Variants in KAZN observed in about 807,000 individuals in gnomAD.
KAZN encodes the protein kazrin, periplakin interacting protein, also known as kazrin.
Under a neutral mutation model 87.4 loss-of-function variants are expected in KAZN, and 40 were observed. The observed-to-expected ratio is 0.46, with a 90% CI of 0.36 to 0.60. The LOEUF is 0.60. Among genes scored for constraint, KAZN ranks in the 20% least tolerant of loss-of-function variants. The pLI, the probability that KAZN is intolerant of heterozygous loss-of-function variation, is 0.00. For synonymous variants in KAZN, 466 were observed against 458.3 expected, an observed-to-expected ratio of 1.02 and a Z score of -0.22; for missense variants, 898 against 1,073.9, an observed-to-expected ratio of 0.84 and a Z score of 2.29.
chr1:14,505,442 CA>C (rs1290212634), intron 2 of KAZN, among the ~76,000 whole-genome samples: 1 of 152,150 alleles, frequency 6.6e-6, no homozygotes, highest in Non-Finnish European at 1.5e-5. Context: ...TTGACTAAAG[CA>C]ACGAAAACCT....
chr1:14,236,254 T>A (rs1297997724), intron 2 of KAZN, among the ~76,000 whole-genome samples: 2 of 152,168 alleles, frequency 1.3e-5, no homozygotes, highest in African/African-American at 2.4e-5. Flanking sequence ...TCTGGTTTTA[T>A]CTGGCAGAGG....
At chr1:14,674,544 C>T (rs1443991843) in intron 1 of KAZN, among the ~76,000 whole-genome samples, 2 of 152,186 alleles carry the variant, frequency 1.3e-5, no homozygotes, top group Non-Finnish European at 2.9e-5. Context: ...TTTATTCATG[C>T]AACCCTAGAC....
intron 11 of KAZN, among the ~76,000 whole-genome samples, chr1:15,102,228 TAA>T (rs1319241002): frequency 6.6e-6 from 1 of 151,912 alleles, no homozygotes; most frequent in Non-Finnish European, 1.5e-5. Context: ...TAAAAATTTT[TAA>T]GTGTTTGCTA....
intron 1 of KAZN, among the ~76,000 whole-genome samples, chr1:14,619,490 G>C (rs1678523989): frequency 6.6e-6 from 1 of 152,174 alleles, no homozygotes; most frequent in Non-Finnish European, 1.5e-5. Context: ...GTGTGCCACT[G>C]TGCCAGGCAT....
chr1:14,788,924 C>T (rs1298193812), intron 1 of KAZN, among the ~76,000 whole-genome samples: 1 of 152,120 alleles, frequency 6.6e-6, no homozygotes, highest in African/African-American at 2.4e-5. Flanking sequence ...AAGATCTCCT[C>T]CAGATCATCA....
At chr1:14,192,875 A>G (rs569144254) in intron 2 of KAZN, among the ~76,000 whole-genome samples, 1 of 152,278 alleles carries the variant, frequency 6.6e-6, no homozygotes, top group East Asian at 1.9e-4. Flanking sequence ...TTATTTGGAC[A>G]TTGGGTCTTT....
At chr1:14,529,436 T>G (rs1469433387) in intron 2 of KAZN, among the ~76,000 whole-genome samples, 2 of 152,238 alleles carry the variant, frequency 1.3e-5, no homozygotes, top group Non-Finnish European at 2.9e-5. Flanking sequence ...AAAGAGTCAC[T>G]GTGCAACTTC....
chr1:14,547,357 A>G (rs1350839785), intron 2 of KAZN, among the ~76,000 whole-genome samples: 2 of 152,226 alleles, frequency 1.3e-5, no homozygotes, highest in African/African-American at 4.8e-5. Flanking sequence ...ATACAAGGTA[A>G]GGCCTGAATT....
In KAZN at chr1:14,128,134, A is replaced by T. The variant is rs931420714; in HGVS notation, c.92-52301A>T. The stretch of plus-strand genomic sequence containing the variant: ...GTGAGCTCAGTGCTCAGTCTGTGAA[A>T]ATCAGGAGGCCAGGAGCTCCCTTTT... On this transcript the variant is annotated intron_variant, in intron 1 of 16. Transcript: ENST00000636203. 3.3e-5 allele frequency among the ~76,000 whole-genome samples: 5 copies of T among 152,122 alleles called. No individual in the cohort carries two copies. The South Asian group carries it at 6.2e-4, about 19-fold the overall frequency.
intron 1 of KAZN, among the ~76,000 whole-genome samples, chr1:14,849,981 C>G (rs578114603): frequency 6.1e-4 from 92 of 150,822 alleles, no homozygotes; most frequent in African/African-American, 2.1e-3. Flanking sequence ...GTTACCCAGG[C>G]TGGAGTACAG....
intron 1 of KAZN, among the ~76,000 whole-genome samples, chr1:14,811,351 C>T (rs1646404334): frequency 1.3e-5 from 2 of 152,186 alleles, no homozygotes; most frequent in African/African-American, 4.8e-5. Flanking sequence ...CAAGTTGATG[C>T]TACACGAATA....
At chr1:14,630,174 TA>T (rs2148657691) in intron 1 of KAZN, among the ~76,000 whole-genome samples, 1 of 152,160 alleles carries the variant, frequency 6.6e-6, no homozygotes, top group East Asian at 1.9e-4. Flanking sequence ...GGGAAATGAA[TA>T]AATGCAGGCA....
At chr1:14,088,387 A>G (rs961996469) in intron 1 of KAZN, among the ~76,000 whole-genome samples, 10 of 151,762 alleles carry the variant, frequency 6.6e-5, no homozygotes, top group African/African-American at 2.4e-4. Context: ...TTCTTCTTTG[A>G]CCCATGGGTT....
intron 1 of KAZN, among the ~76,000 whole-genome samples, chr1:14,652,338 T>A (rs1638435714): frequency 6.6e-6 from 1 of 152,082 alleles, no homozygotes; most frequent in Admixed American, 6.5e-5. Context: ...TCTTCATTCT[T>A]CATTATTTTT....
In KAZN at chr1:14,033,730, T is replaced by C. The variant is rs147073318; in HGVS notation, c.91+139974T>C. On this transcript the variant is annotated intron_variant, in intron 1 of 16. Transcript: ENST00000636203. ...CCAATCTATGGTGAAGTTTAAGTGT[T>C]TGCCCAATTACTGCAGCCACTACAA... Among the ~76,000 whole-genome samples the C allele has an allele frequency of 4.1e-3, 630 of 152,304 alleles. 4 individuals carry two copies. Among genetic ancestry groups the C allele is most frequent in the African/African-American group, 0.014 (598 of 41,558 alleles).
At chr1:14,099,521 T>C (rs1395795151) in intron 1 of KAZN, among the ~76,000 whole-genome samples, 1 of 152,140 alleles carries the variant, frequency 6.6e-6, no homozygotes, top group Non-Finnish European at 1.5e-5. Context: ...GCCTGCTACC[T>C]GCCACCCATC....
intron 10 of KAZN, 131 bp downstream of exon 10, chr1:15,095,064 T>A: frequency 1.5e-6 from 1 of 665,000 alleles, no homozygotes; most frequent in Non-Finnish European, 2.6e-6. Flanking sequence ...GTGACTAAGA[T>A]GGTCCGGGGA....
chr1:14,738,452 C>T (rs10927525), intron 1 of KAZN, among the ~76,000 whole-genome samples: 9,294 of 152,062 alleles, frequency 0.061, 395 homozygotes, highest in African/African-American at 0.11. Flanking sequence ...TTGTATATCT[C>T]GTCATGCCAA....
chr1:15,039,684 A>C (rs1322980773), intron 3 of KAZN, among the ~76,000 whole-genome samples: 1 of 152,238 alleles, frequency 6.6e-6, no homozygotes, highest in Non-Finnish European at 1.5e-5. Context: ...AGAGTAATTA[A>C]CATATCCATC....
Sources: gnomAD v4.1 joint callset for allele counts (sites outside exome capture counted in the v4.1 genomes callset) on GRCh38, gnomAD v4.1.1 for gene constraint, MANE v1.5 for transcripts, NCBI Gene and HGNC (gene_info 2026-07-23, HGNC 2026-07-21) for gene names.